Variants in TXNDC16 observed in about 807,000 individuals in gnomAD.
TXNDC16 encodes thioredoxin domain-containing protein 16.
A neutral mutation model predicts 85.6 loss-of-function variants in TXNDC16; 74 were observed. That is an observed-to-expected ratio of 0.86 (90% CI 0.72 to 1.05). The LOEUF (loss-of-function observed/expected upper bound fraction) is 1.05, where lower values mean the gene tolerates loss of function less well. TXNDC16 is among the 50% of genes least tolerant of loss of function. The probability of loss-of-function intolerance (pLI) is 0.00; values close to 1 mark genes in which losing one functional copy is unlikely to be tolerated. For missense variants in TXNDC16, 959 were observed against 947.0 expected, an observed-to-expected ratio of 1.01 and a Z score of -0.17; for synonymous variants, 335 against 326.5, an observed-to-expected ratio of 1.03 and a Z score of -0.28.
rs115040605 is a variant in TXNDC16 at position 52,440,099 on chromosome 14, A to T, written c.2003+465T>A. Reference sequence around the variant, plus strand: ...GAATAAATATGTCTTTCATCTGATGAATCTGAACAAGGGGCAGTATATTAT... The same window carrying T: ...GAATAAATATGTCTTTCATCTGATGTATCTGAACAAGGGGCAGTATATTAT... On this transcript the variant is annotated intron_variant, in intron 19 of 20. Transcript: ENST00000281741. Among the ~76,000 whole-genome samples, 703 of 152,322 alleles carry T rather than the reference A, an allele frequency of 4.6e-3. 5 individuals are homozygous for T. Among genetic ancestry groups the T allele is most frequent in the African/African-American group, 0.016 (673 of 41,576 alleles).
chr14:52,458,472 G>A (rs527721000), intron 16 of TXNDC16, among the ~76,000 whole-genome samples: 3 of 152,224 alleles, frequency 2.0e-5, no homozygotes, highest in South Asian at 2.1e-4. Context: ...CATGAGAATC[G>A]CTTGAATTTG....
chr14:52,509,507 T>C lies in TXNDC16; in HGVS notation c.756+1733A>G, dbSNP rs1375515804. Among the ~76,000 whole-genome samples the C allele has an allele frequency of 2.6e-5, 4 of 151,018 alleles. No homozygotes were observed. The East Asian group carries it at 5.9e-4, about 22-fold the overall frequency. On this transcript the variant is annotated intron_variant, in intron 9 of 20. Transcript: ENST00000281741. ...AAACTGCTTTCTTTAAAAAAAAAATTACTTGTAGTCAAAATGCAACCACAG... is the reference window on the plus strand; with the variant it reads ...AAACTGCTTTCTTTAAAAAAAAAATCACTTGTAGTCAAAATGCAACCACAG...
chr14:52,468,914 C>A (rs1188605879), intron 16 of TXNDC16, among the ~76,000 whole-genome samples: 1 of 151,086 alleles, frequency 6.6e-6, no homozygotes, highest in Non-Finnish European at 1.5e-5. Flanking sequence ...ATGTATATAA[C>A]CTACAATTTA....
chr14:52,505,016 GCTAA>G (rs2036759667), intron 9 of TXNDC16, among the ~76,000 whole-genome samples: 1 of 152,188 alleles, frequency 6.6e-6, no homozygotes, highest in African/African-American at 2.4e-5. Context: ...AAAAAGAAGA[GCTAA>G]CTATCGTAAA....
intron 12 of TXNDC16, among the ~76,000 whole-genome samples, chr14:52,486,259 C>G (rs2036267153): frequency 6.7e-6 from 1 of 149,014 alleles, no homozygotes; most frequent in African/African-American, 2.5e-5. Flanking sequence ...AACATACACA[C>G]TATTTTCAGT....
chr14:52,491,018 A>C lies in TXNDC16; in HGVS notation c.757-13T>G, dbSNP rs750067661. 4 of 1,517,116 alleles carry C rather than the reference A, an allele frequency of 2.6e-6. No individual in the cohort carries two copies. Among genetic ancestry groups the C allele is most frequent in the Non-Finnish European group, 3.5e-6 (4 of 1,128,082 alleles). 94.0% of individuals were successfully genotyped at this position (1,517,116 alleles called of 1,614,324 possible). On this transcript the variant is annotated splice_polypyrimidine_tract_variant and intron_variant, in intron 9 of 20. Coordinates refer to ENST00000281741, the MANE Select transcript of TXNDC16 (RefSeq NM_020784.3). ...CAGCAACTTCAGTCTTCATTGAAAA[A>C]AAAAAAAAAAAAAGGTGTGATAACA...
chr14:52,487,360 T>C (rs1594720264), intron 12 of TXNDC16, among the ~76,000 whole-genome samples: 1 of 152,296 alleles, frequency 6.6e-6, no homozygotes, highest in Non-Finnish European at 1.5e-5. Context: ...TCACAATGCA[T>C]GGACCTCATG....
chr14:52,473,815 C>T (rs866376263), intron 14 of TXNDC16, among the ~76,000 whole-genome samples: 2 of 152,122 alleles, frequency 1.3e-5, no homozygotes, highest in Admixed American at 6.6e-5. Context: ...TCATTGTCTT[C>T]GACTAAGAGA....
At chr14:52,456,976 C>A in intron 17 of TXNDC16, 114 bp downstream of exon 17, 1 of 699,010 alleles carries the variant, frequency 1.4e-6, no homozygotes, top group South Asian at 1.9e-5. Flanking sequence ...AAAAAAATTT[C>A]TTTAGATTGC....
chr14:52,450,905 AT>A (rs2035395857), intron 18 of TXNDC16, among the ~76,000 whole-genome samples: 2 of 151,436 alleles, frequency 1.3e-5, no homozygotes, highest in Non-Finnish European at 2.9e-5. Flanking sequence ...ATACATATAT[AT>A]ATGTATACAT....
At position 52,510,571 on chromosome 14, in the gene TXNDC16, C is replaced by T. The variant is rs6572849; in HGVS notation, c.756+669G>A. 2.0e-5 allele frequency among the ~76,000 whole-genome samples: 3 copies of T among 152,130 alleles called. No homozygotes were observed. The South Asian group carries it at 6.2e-4, about 32-fold the overall frequency. On this transcript the variant is annotated intron_variant, in intron 9 of 20. Coordinates refer to ENST00000281741, the MANE Select transcript of TXNDC16 (RefSeq NM_020784.3). ...TCATCTAAATTAACTTCTGAGTAGA[C>T]GGATTAAGTGACTTCTTAAAACTTT... is the stretch of plus-strand genomic sequence containing the variant.
In TXNDC16 at chr14:52,431,548, A is replaced by C. The variant is rs2034895109; in HGVS notation, c.*756T>G. 1 of 152,214 alleles carries C rather than the reference A, an allele frequency of 6.6e-6. No individual in the cohort carries two copies. Among genetic ancestry groups the C allele is most frequent in the African/African-American group, 2.4e-5 (1 of 41,462 alleles). 9.4% of individuals were successfully genotyped at this position (152,214 alleles called of 1,614,324 possible). A position where few individuals can be genotyped will look rare whatever the true frequency, so the allele number is the denominator to read the frequency against. On this transcript the variant is annotated 3_prime_UTR_variant, in exon 21 of 21. Coordinates refer to ENST00000281741, the MANE Select transcript of TXNDC16 (RefSeq NM_020784.3). ...CAGAACCAGGAAATTCTGGAAACCT[A>C]GTCTGCCACAGGTTACTTTTAACAC...
At chr14:52,522,961 A>C (rs1232929459) in intron 6 of TXNDC16, among the ~76,000 whole-genome samples, 1 of 152,230 alleles carries the variant, frequency 6.6e-6, no homozygotes, top group Non-Finnish European at 1.5e-5. Flanking sequence ...AAGCTCATTA[A>C]GTAGTCATTA....
chr14:52,524,912 G>A (rs909745904), intron 6 of TXNDC16, among the ~76,000 whole-genome samples: 3 of 151,906 alleles, frequency 2.0e-5, no homozygotes, highest in Admixed American at 6.5e-5. Flanking sequence ...CCTGGGGTCC[G>A]GAGTTTGAGA....
Position 52,440,640 on chromosome 14 carries a change from G to T in TXNDC16, c.1927C>A (p.Pro643Thr). 6.2e-7 allele frequency: 1 copy of T among 1,610,410 alleles called. No individual in the cohort carries two copies. Among genetic ancestry groups the T allele is most frequent in the Admixed American group, 1.7e-5 (1 of 59,282 alleles). Residue 643 changes from proline to threonine, a missense_variant, in exon 19 of 21, where the codon CCT becomes ACT. Pro to Thr is a conservative substitution (Grantham distance 38). Transcript: ENST00000281741. ...LILFSDGTVNPQYKKAILTLV... is the reference protein window; with the variant it reads ...LILFSDGTVNTQYKKAILTLV... ...GTCAATATTGCTTTTTTATACTGAG[G>T]ATTTACAGTGCCATCACTGAACAAA...
chr14:52,531,409 G>T (rs569614201), intron 6 of TXNDC16, among the ~76,000 whole-genome samples: 2 of 152,168 alleles, frequency 1.3e-5, no homozygotes, highest in East Asian at 3.9e-4. Context: ...CCAAAACTTG[G>T]CAACCAAGAT....
At chr14:52,498,146 C>T (rs1208072190) in intron 9 of TXNDC16, among the ~76,000 whole-genome samples, 1 of 152,064 alleles carries the variant, frequency 6.6e-6, no homozygotes, top group African/African-American at 2.4e-5. Flanking sequence ...AAATAAATTA[C>T]CTCAAGATAT....
At chr14:52,449,172 A>G (rs749596878) in intron 18 of TXNDC16, among the ~76,000 whole-genome samples, 3 of 152,018 alleles carry the variant, frequency 2.0e-5, no homozygotes, top group East Asian at 1.9e-4. Context: ...AAAAAAAATA[A>G]TAAGATCCCA....
rs565833570 is a variant in TXNDC16, at chr14:52,469,296, G to A, written c.1618+741C>T. On this transcript the variant is annotated intron_variant, in intron 16 of 20. Coordinates refer to ENST00000281741, the MANE Select transcript of TXNDC16 (RefSeq NM_020784.3). ...CAGGAAGCAGAGATTGCAGTGAGCC[G>A]AGATCATGCCATTGCACTCCAGCCT... is the stretch of plus-strand genomic sequence containing the variant. Among the ~76,000 whole-genome samples, 257 of 151,580 alleles carry A rather than the reference G, an allele frequency of 1.7e-3. 2 individuals are homozygous for A. The highest frequency in any genetic ancestry group is 6.8e-3 in the Middle Eastern group (2 of 292).
Sources: gnomAD v4.1 joint callset for allele counts (sites outside exome capture counted in the v4.1 genomes callset) on GRCh38, gnomAD v4.1.1 for gene constraint, MANE v1.5 for transcripts, NCBI Gene and HGNC (gene_info 2026-07-23, HGNC 2026-07-21) for gene names.